TTC34: variants seen among roughly 807,000 people sequenced by gnomAD.
The protein encoded by TTC34 is tetratricopeptide repeat domain 34, also known as tetratricopeptide repeat protein 34.
A neutral mutation model predicts 40.7 loss-of-function variants in TTC34; 44 were observed. The ratio of observed to expected loss-of-function variants is 1.08; its 90% CI spans 0.85 to 1.39. TTC34 has a LOEUF of 1.39. TTC34 is among the 40% of genes most tolerant of loss of function. The pLI is 0.00. For missense variants in TTC34, 884 were observed against 838.0 expected (o/e 1.05, Z -0.68); for synonymous variants, 422 against 398.6 (o/e 1.06, Z -0.70).
Position 2,790,297 on chromosome 1 carries a change from G to GA in TTC34, c.833dup (p.Leu279ProfsTer63), listed in dbSNP as rs1184091926. 8 of 398,432 alleles carry GA rather than the reference G, an allele frequency of 2.0e-5. No individual in the cohort carries two copies. The East Asian group carries it at 2.9e-4, about 14-fold the overall frequency. 24.7% of individuals were successfully genotyped at this position (398,432 alleles called of 1,614,324 possible). On this transcript the variant is annotated frameshift_variant, in exon 3 of 9. Coordinates refer to ENST00000401095, the Ensembl canonical transcript of TTC34. LOFTEE classifies it high-confidence loss of function. ...ACACGTCCTGGGCCCGGCCGTCCAG[G>GA]AAGAAGGCCGAGGCCGCGCGGGTGA...
intron 6 of TTC34, among the ~76,000 whole-genome samples, chr1:2,646,558 A>G (rs1410066201): frequency 6.6e-6 from 1 of 151,808 alleles, no homozygotes; most frequent in East Asian, 1.9e-4. Flanking sequence ...CTCATTTTAA[A>G]ATCTTTTTGT....
intron 6 of TTC34, among the ~76,000 whole-genome samples, chr1:2,692,548 C>A (rs1640672210): frequency 7.8e-6 from 1 of 127,532 alleles, no homozygotes; most frequent in Non-Finnish European, 1.7e-5. Context: ...CCCACACCCC[C>A]AGGCGAGCAT....
chr1:2,788,830 A>G (rs1412532297), intron 3 of TTC34, among the ~76,000 whole-genome samples: 1 of 152,160 alleles, frequency 6.6e-6, no homozygotes, highest in Non-Finnish European at 1.5e-5. Context: ...GCGGTGGCTC[A>G]CCTGGAATCC....
intron 6 of TTC34, among the ~76,000 whole-genome samples, chr1:2,685,262 G>C (rs1570810373): frequency 3.1e-5 from 3 of 96,100 alleles, no homozygotes; most frequent in African/African-American, 4.7e-5. Context: ...CTGAGAGCCT[G>C]GAACAGCACC....
At chr1:2,694,980 C>G (rs202098631) in intron 6 of TTC34, among the ~76,000 whole-genome samples, 4 of 87,382 alleles carry the variant, frequency 4.6e-5, no homozygotes, top group South Asian at 3.4e-4. Context: ...CAGCCTGGAG[C>G]AGCACCCTGC....
At chr1:2,781,971 T>C (rs1557686790) in intron 6 of TTC34, among the ~76,000 whole-genome samples, 2 of 152,214 alleles carry the variant, frequency 1.3e-5, no homozygotes, top group Non-Finnish European at 2.9e-5. Context: ...GGTCTGTAGT[T>C]TTCTTGTAGT....
intron 2 of TTC34, among the ~76,000 whole-genome samples, chr1:2,793,966 T>C (rs990075606): frequency 2.1e-5 from 3 of 144,814 alleles, no homozygotes; most frequent in Admixed American, 6.9e-5. Context: ...CTCCTTCTTC[T>C]TCTGTGGACA....
At chr1:2,685,030 A>C (rs1640261833) in intron 6 of TTC34, among the ~76,000 whole-genome samples, 1 of 142,358 alleles carries the variant, frequency 7.0e-6, no homozygotes, top group Non-Finnish European at 1.5e-5. Context: ...ATGTAACAGC[A>C]CCCACACCCA....
rs1251219188 is a variant in TTC34 at position 2,775,945 on chromosome 1, G to C, written c.2226+7664C>G. 1.5e-4 allele frequency: 15 copies of C among 100,848 alleles called. 2 individuals carry two copies. The highest frequency in any genetic ancestry group is 2.4e-4 in the African/African-American group (4 of 16,862). The allele number at this position is 100,848 out of a possible 1,614,324, so 6.2% of individuals were successfully genotyped here. A position where few individuals can be genotyped will look rare whatever the true frequency, so the allele number is the denominator to read the frequency against. Reference sequence around the variant, plus strand: ...TTTGGATGTTCACATGGGGGTTAAGGGTGGTGTTCCGGGTTATCAGATGCT... The same window carrying C: ...TTTGGATGTTCACATGGGGGTTAAGCGTGGTGTTCCGGGTTATCAGATGCT... On this transcript the variant is annotated intron_variant, in intron 6 of 8. Coordinates refer to ENST00000401095, the Ensembl canonical transcript of TTC34.
chr1:2,640,918 C>T (rs545931148), exon 9 of TTC34: 1 of 152,056 alleles, frequency 6.6e-6, no homozygotes, highest in Non-Finnish European at 1.4e-5. Context: ...TAGGATGGTC[C>T]CTTCATGCAA....
intron 6 of TTC34, among the ~76,000 whole-genome samples, chr1:2,699,253 C>A (rs1477039615): frequency 6.7e-6 from 1 of 148,224 alleles, no homozygotes; most frequent in Non-Finnish European, 1.5e-5. Context: ...ACCCATACCC[C>A]AAGGCGAGCA....
intron 6 of TTC34, among the ~76,000 whole-genome samples, chr1:2,649,493 G>A (rs1041899550): frequency 6.6e-6 from 1 of 151,942 alleles, no homozygotes; most frequent in African/African-American, 2.4e-5. Flanking sequence ...CCCAAGGTGA[G>A]CATTTGACAG....
chr1:2,653,755 G>C (rs201437829), intron 6 of TTC34, among the ~76,000 whole-genome samples: 1 of 150,304 alleles, frequency 6.7e-6, no homozygotes, highest in African/African-American at 2.4e-5. Flanking sequence ...GGAGAGTCTG[G>C]AGCAGCGCCC....
At position 2,792,033 on chromosome 1, in the gene TTC34, T is replaced by TTTTTTTTTTTTTTTTTTTTTTTA. The variant is rs1553171534; in HGVS notation, c.785-1688_785-1687insTAAAAAAAAAAAAAAAAAAAAAA. On this transcript the variant is annotated intron_variant, in intron 2 of 8. Transcript: ENST00000401095. Reference sequence around the variant, plus strand: ...TTTTTTTTTTTTTTTTTTTTTTTTTTAAAGACAGGGTCTTGCTCCATCACC... The same window carrying TTTTTTTTTTTTTTTTTTTTTTTA: ...TTTTTTTTTTTTTTTTTTTTTTTTTTTTTTTTTTTTTTTTTTTTTTTTAAAAGACAGGGTCTTGCTCCATCACC... Among the ~76,000 whole-genome samples, 12 of 107,166 alleles carry TTTTTTTTTTTTTTTTTTTTTTTA rather than the reference T, an allele frequency of 1.1e-4. 2 individuals carry two copies. The highest frequency in any genetic ancestry group is 5.8e-4 in the East Asian group (2 of 3,478). The allele number at this position is 107,166 out of a possible 152,430, so 70.3% of individuals were successfully genotyped here.
rs1331477456 is a variant in TTC34 at position 2,785,800 on chromosome 1, G to A, written c.2059+19C>T. 2.6e-6 allele frequency: 4 copies of A among 1,540,488 alleles called. No homozygotes were observed. The highest frequency in any genetic ancestry group is 2.8e-5 in the African/African-American group (2 of 72,708). On this transcript the variant is annotated intron_variant, in intron 5 of 8. Transcript: ENST00000401095. ...CCTGGCACAAGACTGGGCCCTGGGGGCAGGTGGGCAGCTCCTACCTGCGGC... is the reference window on the plus strand; with the variant it reads ...CCTGGCACAAGACTGGGCCCTGGGGACAGGTGGGCAGCTCCTACCTGCGGC...
At chr1:2,779,471 G>A (rs940410014) in intron 6 of TTC34, among the ~76,000 whole-genome samples, 2 of 152,002 alleles carry the variant, frequency 1.3e-5, no homozygotes, top group East Asian at 3.9e-4. Context: ...TTACAGGCGC[G>A]TGCCACCACG....
At position 2,641,817 on chromosome 1, in the gene TTC34, GGACA is replaced by G. The variant is rs1392364442; in HGVS notation, c.2787_2790del (p.Val930TrpfsTer58). On this transcript the variant is annotated frameshift_variant, in exon 9 of 9. Transcript: ENST00000401095. LOFTEE classifies it low-confidence loss of function (END_TRUNC). ...TGACAGGCACTGCTGCCACTGGCCA[GGACA>G]GACAGCGAACAGTAGCCCAGCGCCT... 11 of 1,533,912 alleles carry G rather than the reference GGACA, an allele frequency of 7.2e-6. No individual in the cohort carries two copies. The highest frequency in any genetic ancestry group is 2.4e-5 in the East Asian group (1 of 40,884).
chr1:2,756,575 C>G, intron 6 of TTC34, among the ~76,000 whole-genome samples: 1 of 150,246 alleles, frequency 6.7e-6, no homozygotes, highest in Admixed American at 6.6e-5. Context: ...CAGCCTGAAG[C>G]AGCACCCACA....
At chr1:2,687,709 C>A (rs1184395726) in intron 6 of TTC34, among the ~76,000 whole-genome samples, 2 of 151,024 alleles carry the variant, frequency 1.3e-5, no homozygotes, top group Admixed American at 1.3e-4. Flanking sequence ...ATCTGACAGC[C>A]GGGAACAGCA....
Sources: allele counts gnomAD v4.1 joint callset (sites outside exome capture counted in the v4.1 genomes callset), GRCh38; gene constraint gnomAD v4.1.1; transcripts MANE v1.5; gene names NCBI Gene and HGNC (gene_info 2026-07-23, HGNC 2026-07-21).